ARHGEF38: variants seen among roughly 807,000 people sequenced by gnomAD.
ARHGEF38 encodes the protein Rho guanine nucleotide exchange factor (GEF) 38.
A neutral mutation model predicts 79.9 loss-of-function variants in ARHGEF38; 79 were observed. The ratio of observed to expected loss-of-function variants is 0.99; its 90% confidence interval spans 0.82 to 1.19. The LOEUF is 1.19. Ranked by LOEUF, ARHGEF38 falls within the 50% of genes most tolerant of loss-of-function variation. The pLI is 0.00. For synonymous variants in ARHGEF38, 366 were observed against 328.3 expected, an observed-to-expected ratio of 1.11 and a Z score of -1.24; for missense variants, 962 against 907.2, an observed-to-expected ratio of 1.06 and a Z score of -0.78.
intron 2 of ARHGEF38, among the ~76,000 whole-genome samples, chr4:105,593,983 A>T (rs1238270211): frequency 6.6e-6 from 1 of 152,132 alleles, no homozygotes; most frequent in Non-Finnish European, 1.5e-5. Flanking sequence ...TGAATTGTTT[A>T]TAGGTTGTTG....
At chr4:105,630,277 T>C (rs1051413809) in intron 3 of ARHGEF38, among the ~76,000 whole-genome samples, 3 of 151,142 alleles carry the variant, frequency 2.0e-5, no homozygotes, top group African/African-American at 7.3e-5. Context: ...AGATAGAGTC[T>C]TGCTCTGTCA....
chr4:105,664,297 T>C (rs932682557), intron 10 of ARHGEF38, among the ~76,000 whole-genome samples: 1 of 152,232 alleles, frequency 6.6e-6, no homozygotes, highest in Non-Finnish European at 1.5e-5. Flanking sequence ...CGAAAAACAT[T>C]TGTCCTTCGC....
intron 2 of ARHGEF38, among the ~76,000 whole-genome samples, chr4:105,600,401 T>C (rs1437040553): frequency 6.6e-6 from 1 of 152,154 alleles, no homozygotes; most frequent in African/African-American, 2.4e-5. Flanking sequence ...CAGTGCCTTC[T>C]GTCTTCCAGG....
At chr4:105,633,520 T>C (rs1294017942) in intron 4 of ARHGEF38, among the ~76,000 whole-genome samples, 9 of 152,152 alleles carry the variant, frequency 5.9e-5, no homozygotes, top group Non-Finnish European at 1.3e-4. Flanking sequence ...CCAAGTGCAG[T>C]TGCCAATTTC....
chr4:105,653,907 A>T (rs775581210), intron 7 of ARHGEF38, among the ~76,000 whole-genome samples, 158 bp from the exon 8 acceptor site: 39 of 152,226 alleles, frequency 2.6e-4, no homozygotes, highest in Non-Finnish European at 5.0e-4. Flanking sequence ...TTATGTACCA[A>T]CAGAGAAAGT....
At chr4:105,630,765 C>A in intron 3 of ARHGEF38, 133 bp from the exon 4 acceptor site, 1 of 618,968 alleles carries the variant, frequency 1.6e-6, no homozygotes, top group Non-Finnish European at 2.5e-6. Flanking sequence ...TGTTTTCCAC[C>A]CTCCCTGAAT....
rs1205206106 is a variant in ARHGEF38 at position 105,678,829 on chromosome 4, T to C, written c.*892T>C. 1.3e-5 allele frequency: 2 copies of C among 151,566 alleles called. No homozygotes were observed. The highest frequency in any genetic ancestry group is 2.9e-5 in the Non-Finnish European group (2 of 67,888). The allele number at this position is 151,566 out of a possible 1,614,324, so 9.4% of individuals were successfully genotyped here. A position where few individuals can be genotyped will look rare whatever the true frequency, so the allele number is the denominator to read the frequency against. ...TCTTTTCTTGTTGTTTTTTTTTTTT[T>C]TTAAAGAGACAATAAAAGGAGGTTT... On this transcript the variant is annotated 3_prime_UTR_variant, in exon 14 of 14. Coordinates refer to ENST00000420470, the MANE Select transcript of ARHGEF38 (RefSeq NM_001242729.2).
chr4:105,630,243 G>A lies in ARHGEF38; in HGVS notation c.509-655G>A, dbSNP rs569694957. 6.0e-4 allele frequency among the ~76,000 whole-genome samples: 87 copies of A among 145,858 alleles called. 1 individual carries two copies. Among genetic ancestry groups the A allele is most frequent in the South Asian group, 4.0e-3 (19 of 4,736 alleles). On this transcript the variant is annotated intron_variant, in intron 3 of 13. Transcript: ENST00000420470. ...AATCCGTGCACACCAACTCTAAACT[G>A]CAACTCTTTTTTTTTTTTTTTTGAG... is the stretch of plus-strand genomic sequence containing the variant.
rs571536985 is a variant in ARHGEF38 at position 105,630,991 on chromosome 4, A to G, written c.602A>G (p.Tyr201Cys). The G allele has an allele frequency of 6.8e-5, 110 of 1,613,920 alleles. No individual in the cohort carries two copies. Among genetic ancestry groups the G allele is most frequent in the Admixed American group, 2.7e-4 (16 of 60,012 alleles). ...GAAGCACATAGTATACTGGAGTCCTATGAAAAGGAAGAAGAGCTGAAGGAA... is the reference window on the plus strand; with the variant it reads ...GAAGCACATAGTATACTGGAGTCCTGTGAAAAGGAAGAAGAGCTGAAGGAA... ...HDEAHSILESYEKEEELKEHL... is the reference protein window; with the variant it reads ...HDEAHSILESCEKEEELKEHL... Residue 201 changes from tyrosine to cysteine, a missense_variant, in exon 4 of 14, where the codon TAT (tyrosine) becomes TGT (cysteine). Physicochemically the swap from Tyr to Cys is radical, Grantham distance 194. Transcript: ENST00000420470.
intron 2 of ARHGEF38, among the ~76,000 whole-genome samples, chr4:105,603,776 T>A (rs1727923409): frequency 6.6e-6 from 1 of 152,136 alleles, no homozygotes; most frequent in South Asian, 2.1e-4. Context: ...TACAGATTCA[T>A]CCCAACATAG....
intron 1 of ARHGEF38, among the ~76,000 whole-genome samples, chr4:105,569,645 T>A (rs1726118705): frequency 6.6e-6 from 1 of 152,200 alleles, no homozygotes; most frequent in Non-Finnish European, 1.5e-5. Context: ...GAGCAGTGGT[T>A]AACATGCAGG....
At chr4:105,601,610 C>T (rs1372130544) in intron 2 of ARHGEF38, among the ~76,000 whole-genome samples, 2 of 151,990 alleles carry the variant, frequency 1.3e-5, no homozygotes, top group Non-Finnish European at 2.9e-5. Flanking sequence ...GAGTATTTAC[C>T]CTCCTCAATT....
chr4:105,619,759 G>T (rs957351892), intron 3 of ARHGEF38, among the ~76,000 whole-genome samples: 2 of 152,148 alleles, frequency 1.3e-5, no homozygotes, highest in African/African-American at 2.4e-5. Flanking sequence ...TGCCGAGAAG[G>T]CCTCTCTGAG....
intron 10 of ARHGEF38, among the ~76,000 whole-genome samples, chr4:105,665,959 T>A (rs1241240401): frequency 1.3e-5 from 2 of 152,144 alleles, no homozygotes; most frequent in African/African-American, 4.8e-5. Context: ...TGTTCTTTCA[T>A]TTGGCTTGAA....
chr4:105,640,723 C>T (rs952656781), intron 5 of ARHGEF38, among the ~76,000 whole-genome samples: 6 of 152,136 alleles, frequency 3.9e-5, no homozygotes, highest in African/African-American at 1.2e-4. Context: ...CTTTTACTCT[C>T]ACGCTTGGTT....
chr4:105,581,163 T>C (rs1023716145), intron 1 of ARHGEF38, among the ~76,000 whole-genome samples: 3 of 149,906 alleles, frequency 2.0e-5, no homozygotes, highest in Non-Finnish European at 4.4e-5. Context: ...TTCTCTGCCT[T>C]GAGCCCAGCA....
intron 1 of ARHGEF38, among the ~76,000 whole-genome samples, chr4:105,562,458 A>T (rs6533211): frequency 0.96 from 146,267 of 152,288 alleles, 70,264 homozygotes; most frequent in East Asian, 1. Context: ...ATTTTCACTT[A>T]CCCACTATGT....
chr4:105,652,571 A>G (rs1730148595), intron 7 of ARHGEF38, among the ~76,000 whole-genome samples: 1 of 152,208 alleles, frequency 6.6e-6, no homozygotes, highest in South Asian at 2.1e-4. Flanking sequence ...GCAAAAGAAA[A>G]CAGCATGGAA....
chr4:105,552,823 G>A lies in ARHGEF38; in HGVS notation c.58G>A (p.Ala20Thr), dbSNP rs61413380. The A allele has an allele frequency of 5.0e-6, 8 of 1,613,170 alleles. No individual in the cohort carries two copies. In the East Asian group the frequency reaches 1.3e-4, roughly 27 times the overall value. ...CATGGTCACCAAGAAAAAGAATCTG[G>A]CCTTCTTGAGGTCTAGACTCTATAT... Reference protein sequence around the residue: ...ENMVTKKKNLAFLRSRLYMLE... With the variant: ...ENMVTKKKNLTFLRSRLYMLE... The change falls in exon 1 of 14, where the codon GCC becomes ACC. Residue 20 changes from alanine (A) to threonine (T), a missense_variant. By Grantham distance (58) the Ala-to-Thr change is moderately conservative (BLOSUM62 0). Transcript: ENST00000420470.
Sources: allele counts gnomAD v4.1 joint callset (sites outside exome capture counted in the v4.1 genomes callset), GRCh38; gene constraint gnomAD v4.1.1; transcripts MANE v1.5; gene names NCBI Gene and HGNC (gene_info 2026-07-23, HGNC 2026-07-21).